Variants in NHSL2 observed in about 807,000 individuals in gnomAD.
The protein encoded by NHSL2 is NHS-like protein 2.
In NHSL2, 27 loss-of-function variants were observed where a neutral mutation model predicts 53.4. The observed-to-expected ratio is 0.51, with a 90% CI of 0.37 to 0.70. NHSL2 has a LOEUF of 0.70. Ranked by LOEUF, NHSL2 falls within the 30% of genes least tolerant of loss-of-function variation. The probability of loss-of-function intolerance (pLI) is 0.00; values close to 1 mark genes in which losing one functional copy is unlikely to be tolerated. For synonymous variants in NHSL2, 408 were observed against 404.1 expected (o/e 1.01, Z -0.12); for missense variants, 892 against 980.1 (o/e 0.91, Z 1.20).
At position 72,108,873 on chromosome X, in the gene NHSL2, G is replaced by A. The variant is rs778458063; in HGVS notation, c.281-23206G>A. 2.7e-5 allele frequency among the ~76,000 whole-genome samples: 3 copies of A among 111,234 alleles called. No individual in the cohort carries two copies. In the South Asian group the frequency reaches 1.1e-3, roughly 42 times the overall value. On this transcript the variant is annotated intron_variant, in intron 1 of 7. Transcript: ENST00000633930. ...CCCTCCAACAGCTTTCAGGTATGTC[G>A]AGCATCAAACCCCAATTCCTGACCG...
At chrX:72,115,982 A>G (rs1200617818) in intron 1 of NHSL2, among the ~76,000 whole-genome samples, 2 of 111,279 alleles carry the variant, frequency 1.8e-5, no homozygotes, top group Non-Finnish European at 3.8e-5. Flanking sequence ...GTGTTTTATC[A>G]GGCTGTCCAA....
intron 1 of NHSL2, among the ~76,000 whole-genome samples, chrX:71,971,423 A>G (rs1320298254): frequency 8.9e-6 from 1 of 111,902 alleles, no homozygotes; most frequent in African/African-American, 3.2e-5. Flanking sequence ...CTAATAGAAG[A>G]AAAGAGAGCA....
chrX:72,015,729 C>G (rs1353311442), intron 1 of NHSL2, among the ~76,000 whole-genome samples: 1 of 112,206 alleles, frequency 8.9e-6, no homozygotes, highest in Non-Finnish European at 1.9e-5. Flanking sequence ...ATTTGCCTTT[C>G]CTTGATTCCC....
chrX:72,101,280 G>T (rs768428492), intron 1 of NHSL2, among the ~76,000 whole-genome samples: 3 of 109,942 alleles, frequency 2.7e-5, no homozygotes, highest in Non-Finnish European at 5.7e-5. Context: ...AAGAAGACTC[G>T]CATCAGGGTT....
intron 1 of NHSL2, among the ~76,000 whole-genome samples, chrX:72,023,595 C>G (rs1246916319): frequency 1.8e-5 from 2 of 112,178 alleles, no homozygotes; most frequent in African/African-American, 6.5e-5. Flanking sequence ...GGTTTCAGCT[C>G]TACCTCTTGT....
intron 1 of NHSL2, among the ~76,000 whole-genome samples, chrX:71,939,938 G>C (rs1455676501): frequency 8.9e-6 from 1 of 111,826 alleles, no homozygotes; most frequent in African/African-American, 3.3e-5. Context: ...ATATGGATCT[G>C]AGGCTCAGGA....
chrX:72,066,651 T>C (rs1399765823), intron 1 of NHSL2, among the ~76,000 whole-genome samples: 1 of 112,030 alleles, frequency 8.9e-6, no homozygotes, highest in Non-Finnish European at 1.9e-5. Flanking sequence ...CTCTTCTCTT[T>C]TGTTGTTCTT....
intron 1 of NHSL2, among the ~76,000 whole-genome samples, chrX:72,112,009 G>GTC (rs2147478310): frequency 9.0e-6 from 1 of 110,672 alleles, no homozygotes; most frequent in East Asian, 2.9e-4. Flanking sequence ...AAGATCAGGG[G>GTC]TCTATCTGAA....
chrX:71,911,444 T>G (rs1198758682), intron 1 of NHSL2, 77 bp downstream of exon 1: 1 of 874,579 alleles, frequency 1.1e-6, no homozygotes, highest in East Asian at 4.1e-5. Context: ...CTTAGCGCTG[T>G]GCCCACCCTC....
chrX:71,913,643 A>G (rs1031720157), intron 1 of NHSL2, among the ~76,000 whole-genome samples: 2 of 111,723 alleles, frequency 1.8e-5, no homozygotes, highest in Non-Finnish European at 3.8e-5. Context: ...TATTTTGACC[A>G]TGGGGCAGGA....
intron 1 of NHSL2, among the ~76,000 whole-genome samples, chrX:72,118,086 C>A (rs1382004802): frequency 1.8e-5 from 2 of 111,197 alleles, no homozygotes; most frequent in Non-Finnish European, 3.8e-5. Flanking sequence ...ACATTCCCAT[C>A]AGCAATGTAT....
intron 1 of NHSL2, among the ~76,000 whole-genome samples, chrX:72,060,652 G>T (rs1002284803): frequency 7.1e-5 from 8 of 112,075 alleles, no homozygotes; most frequent in Non-Finnish European, 1.5e-4. Context: ...TACCTAGAAG[G>T]GAGCTCAGGA....
intron 1 of NHSL2, among the ~76,000 whole-genome samples, chrX:71,999,977 T>C: frequency 8.9e-6 from 1 of 112,430 alleles, no homozygotes; most frequent in Non-Finnish European, 1.9e-5. Context: ...GAGAATCCAT[T>C]GGTTATATGG....
chrX:72,139,818 C>A lies in NHSL2; in HGVS notation c.2270C>A (p.Pro757Gln). 8.3e-7 allele frequency: 1 copy of A among 1,210,405 alleles called. No individual in the cohort carries two copies. Among genetic ancestry groups the A allele is most frequent in the South Asian group, 1.8e-5 (1 of 56,923 alleles). Residue 757 changes from proline (P) to glutamine (Q), a missense_variant, in exon 6 of 8, where the codon CCG becomes CAG. Transcript: ENST00000633930. ...CCTGAGAGGAAGTCATCACTACCCC[C>A]GACGTCACCAATGGAGAAATTTCCC... ...VVPERKSSLP[P>Q]TSPMEKFPKS...
At chrX:71,985,211 A>G (rs893896947) in intron 1 of NHSL2, among the ~76,000 whole-genome samples, 3 of 111,381 alleles carry the variant, frequency 2.7e-5, no homozygotes, top group Non-Finnish European at 3.8e-5. Flanking sequence ...CCATAAGTTG[A>G]GTAAATCCCT....
intron 1 of NHSL2, among the ~76,000 whole-genome samples, chrX:72,095,943 T>C (rs771960775): frequency 9.0e-6 from 1 of 111,165 alleles, no homozygotes; most frequent in South Asian, 3.8e-4. Flanking sequence ...AACAAATAAG[T>C]GTCTACTACA....
intron 1 of NHSL2, among the ~76,000 whole-genome samples, chrX:72,004,281 C>T (rs1320721608): frequency 8.9e-6 from 1 of 112,166 alleles, no homozygotes; most frequent in East Asian, 2.8e-4. Flanking sequence ...GTGCCTGGCT[C>T]GCACTGCCTA....
chrX:71,980,568 GGGTGTGT>G (rs2041972750), intron 1 of NHSL2, among the ~76,000 whole-genome samples: 2 of 1,380 alleles, frequency 1.4e-3, no homozygotes, highest in African/African-American at 5.7e-3. Flanking sequence ...GGGGTGTGTG[GGGTGTGT>G]GTGTGTGTGT....
chrX:72,057,810 C>T (rs1055044057), intron 1 of NHSL2, among the ~76,000 whole-genome samples: 5 of 112,175 alleles, frequency 4.5e-5, no homozygotes, highest in African/African-American at 1.3e-4. Context: ...TAGTGTGAAT[C>T]AAGGCAGTGG....
Sources: allele counts gnomAD v4.1 joint callset (sites outside exome capture counted in the v4.1 genomes callset), GRCh38; gene constraint gnomAD v4.1.1; transcripts MANE v1.5; gene names NCBI Gene and HGNC (gene_info 2026-07-23, HGNC 2026-07-21).